The following GREB1L variants were observed in gnomAD, a reference collection of about 807,000 sequenced individuals.
GREB1L encodes the protein GREB1 like retinoic acid receptor coactivator, also known as GREB1-like protein.
A neutral mutation model predicts 200.8 loss-of-function variants in GREB1L; 17 were observed. The observed-to-expected ratio is 0.08, with a 90% CI of 0.06 to 0.13. The LOEUF (loss-of-function observed/expected upper bound fraction) is 0.13. GREB1L is among the 10% of genes least tolerant of loss of function. The pLI is 1.00. For missense variants in GREB1L, 1,657 were observed against 2,367.7 expected (o/e 0.70, Z 6.23); for synonymous variants, 789 against 893.0 (o/e 0.88, Z 2.08).
intron 1 of GREB1L, among the ~76,000 whole-genome samples, chr18:21,305,723 T>C (rs903322957): frequency 6.6e-6 from 1 of 152,216 alleles, no homozygotes; most frequent in East Asian, 1.9e-4. Context: ...TGGAACAAAA[T>C]CTAAATTCTT....
intron 1 of GREB1L, among the ~76,000 whole-genome samples, chr18:21,272,804 G>C (rs575324867): frequency 6.6e-6 from 1 of 152,322 alleles, no homozygotes; most frequent in South Asian, 2.1e-4. Flanking sequence ...AATAAAAAAA[G>C]ATGTAATTGA....
chr18:21,418,198 A>G (rs1156544570), intron 7 of GREB1L, among the ~76,000 whole-genome samples: 1 of 152,152 alleles, frequency 6.6e-6, no homozygotes, highest in East Asian at 1.9e-4. Context: ...AAGTTCTTAT[A>G]CATGAAATTT....
At chr18:21,436,511 G>A (rs1373703151) in intron 7 of GREB1L, among the ~76,000 whole-genome samples, 3 of 152,084 alleles carry the variant, frequency 2.0e-5, no homozygotes, top group Admixed American at 6.5e-5. Context: ...ATGTGCACCT[G>A]TGGCCCCAGC....
At chr18:21,429,880 G>C (rs187900060) in intron 7 of GREB1L, among the ~76,000 whole-genome samples, 26 of 152,238 alleles carry the variant, frequency 1.7e-4, no homozygotes, top group Middle Eastern at 3.4e-3. Context: ...CACACACTGG[G>C]TGGTTTAAAC....
At chr18:21,365,950 T>A (rs2039667706) in intron 1 of GREB1L, 77 bp from the exon 2 acceptor site, 1 of 151,978 alleles carries the variant, frequency 6.6e-6, no homozygotes, top group South Asian at 2.1e-4. Context: ...ATATTTAGAT[T>A]ATTATATTAT....
chr18:21,387,053 G>T (rs531019506), intron 4 of GREB1L, among the ~76,000 whole-genome samples: 10 of 152,178 alleles, frequency 6.6e-5, no homozygotes, highest in Non-Finnish European at 1.2e-4. Flanking sequence ...GGCTGCTGGG[G>T]TTTACCATTC....
chr18:21,439,394 A>G (rs2033762689), intron 7 of GREB1L, 127 bp from the exon 8 acceptor site: 1 of 598,390 alleles, frequency 1.7e-6, no homozygotes, highest in African/African-American at 1.9e-5. Context: ...GTATAACTGG[A>G]CTGAGTCCTA....
At chr18:21,371,723 G>A (rs1271960392) in intron 2 of GREB1L, among the ~76,000 whole-genome samples, 1 of 150,436 alleles carries the variant, frequency 6.6e-6, no homozygotes, top group Non-Finnish European at 1.5e-5. Context: ...GGCGGAGCTT[G>A]CAGTGAGCCG....
At chr18:21,292,511 G>A (rs747098676) in intron 1 of GREB1L, among the ~76,000 whole-genome samples, 1 of 152,070 alleles carries the variant, frequency 6.6e-6, no homozygotes, top group African/African-American at 2.4e-5. Flanking sequence ...GTTAGCTATC[G>A]CTTCTCACTC....
At chr18:21,284,116 C>T (rs533608597) in intron 1 of GREB1L, among the ~76,000 whole-genome samples, 2 of 152,128 alleles carry the variant, frequency 1.3e-5, no homozygotes, top group African/African-American at 4.8e-5. Context: ...GTCAGCCTGT[C>T]ACACACCCCT....
chr18:21,337,781 T>TC (rs780760703), intron 1 of GREB1L, among the ~76,000 whole-genome samples: 1 of 151,580 alleles, frequency 6.6e-6, no homozygotes, highest in African/African-American at 2.4e-5. Context: ...GATCAGGAGA[T>TC]CGAGACCATT....
intron 1 of GREB1L, among the ~76,000 whole-genome samples, chr18:21,299,987 T>G (rs1598640729): frequency 6.6e-6 from 1 of 152,310 alleles, no homozygotes; most frequent in East Asian, 1.9e-4. Context: ...AATCAACGCT[T>G]TAAAAAAAAA....
At position 21,490,042 on chromosome 18, in the gene GREB1L, C is replaced by T; in HGVS notation, c.2721C>T (p.Arg907=). 1 of 1,551,774 alleles carries T rather than the reference C, an allele frequency of 6.4e-7. No individual in the cohort carries two copies. The highest frequency in any genetic ancestry group is 1.4e-5 in the African/African-American group (1 of 73,036). The change falls in exon 19 of 33, where the codon CGC becomes CGT. Residue 907 remains arginine, a synonymous_variant. Transcript: ENST00000424526. ...CCAGGCTGCACAGCATGGTCGTCCGCTGCTATCTTCTCATCCAGCAGTACT... is the reference window on the plus strand; with the variant it reads ...CCAGGCTGCACAGCATGGTCGTCCGTTGCTATCTTCTCATCCAGCAGTACT... ...RYPRLHSMVV[R]CYLLIQQYSE...
At chr18:21,290,031 C>T (rs1289026031) in intron 1 of GREB1L, among the ~76,000 whole-genome samples, 2 of 152,226 alleles carry the variant, frequency 1.3e-5, no homozygotes, top group Non-Finnish European at 2.9e-5. Context: ...TGACTTACTA[C>T]TGCCTTGTCT....
intron 18 of GREB1L, among the ~76,000 whole-genome samples, chr18:21,487,791 A>C (rs940478570): frequency 6.6e-6 from 1 of 151,872 alleles, no homozygotes; most frequent in Admixed American, 6.6e-5. Context: ...ACCTGAGGTC[A>C]GGAGTTCGAG....
chr18:21,309,538 G>C (rs2038757977), intron 1 of GREB1L, among the ~76,000 whole-genome samples: 1 of 152,154 alleles, frequency 6.6e-6, no homozygotes, highest in Non-Finnish European at 1.5e-5. Flanking sequence ...TGCTGTTTGA[G>C]TGATCTAAGG....
chr18:21,322,406 A>G (rs994834017), intron 1 of GREB1L, among the ~76,000 whole-genome samples: 2 of 152,178 alleles, frequency 1.3e-5, no homozygotes, highest in African/African-American at 2.4e-5. Context: ...GCCTTGATCT[A>G]GGTAAAGAAA....
intron 19 of GREB1L, among the ~76,000 whole-genome samples, chr18:21,494,555 A>G (rs2036468660): frequency 6.6e-6 from 1 of 152,110 alleles, no homozygotes; most frequent in Non-Finnish European, 1.5e-5. Flanking sequence ...ATTACTGGCC[A>G]GGTATGGTAG....
intron 15 of GREB1L, among the ~76,000 whole-genome samples, chr18:21,457,441 G>A (rs1449005857): frequency 6.6e-6 from 1 of 152,060 alleles, no homozygotes; most frequent in Non-Finnish European, 1.5e-5. Flanking sequence ...ACATGATTAT[G>A]GTATGCCTTA....
Sources: gnomAD v4.1 joint callset for allele counts (sites outside exome capture counted in the v4.1 genomes callset) on GRCh38, gnomAD v4.1.1 for gene constraint, MANE v1.5 for transcripts, NCBI Gene and HGNC (gene_info 2026-07-23, HGNC 2026-07-21) for gene names.